STPG2: variants seen among roughly 807,000 people sequenced by gnomAD.
STPG2 encodes the protein sperm tail PG-rich repeat containing 2, also known as sperm-tail PG-rich repeat-containing protein 2.
STPG2 carries 56 observed loss-of-function variants against 54.2 expected under a neutral mutation model. The observed-to-expected ratio is 1.03, with a 90% CI of 0.83 to 1.29. The LOEUF is 1.29. STPG2 is among the 50% of genes most tolerant of loss of function. STPG2 has a pLI of 0.00. For synonymous variants in STPG2, 200 were observed against 181.8 expected (o/e 1.10, Z -0.81); for missense variants, 596 against 544.9 (o/e 1.09, Z -0.93).
chr4:98,128,838 T>C (rs991364146), intron 2 of STPG2, among the ~76,000 whole-genome samples: 2 of 152,070 alleles, frequency 1.3e-5, no homozygotes, highest in Non-Finnish European at 2.9e-5. Flanking sequence ...CAAGTGATTC[T>C]CCCCTCGACC....
intron 10 of STPG2, among the ~76,000 whole-genome samples, chr4:97,594,189 T>C (rs540218477): frequency 6.6e-6 from 1 of 152,208 alleles, no homozygotes; most frequent in Non-Finnish European, 1.5e-5. Flanking sequence ...AGAATAAGGA[T>C]AGGAATGAAC....
chr4:97,991,949 A>T (rs1735032883), intron 5 of STPG2, among the ~76,000 whole-genome samples: 1 of 151,350 alleles, frequency 6.6e-6, no homozygotes, highest in Admixed American at 6.6e-5. Context: ...TTTTTATGAA[A>T]TTGTTTTCTT....
rs1015702089 is a variant in STPG2, at chr4:97,536,611, G to A, written c.462+176088C>T. Reference sequence around the variant, plus strand: ...TGCATACCAAGCAAGGAAGAGAATGGTCCCAAACTAGGTGGGTGTCAGATG... The same window carrying A: ...TGCATACCAAGCAAGGAAGAGAATGATCCCAAACTAGGTGGGTGTCAGATG... On this transcript the variant is annotated intron_variant, in intron 4 of 4. Transcript: ENST00000522676. 4.6e-5 allele frequency among the ~76,000 whole-genome samples: 7 copies of A among 152,260 alleles called. 1 individual carries two copies. Among genetic ancestry groups the A allele is most frequent in the Middle Eastern group, 3.4e-3 (1 of 294 alleles).
intron 9 of STPG2, among the ~76,000 whole-genome samples, chr4:97,828,331 G>A (rs1319432127): frequency 3.3e-5 from 5 of 152,148 alleles, no homozygotes; most frequent in African/African-American, 1.2e-4. Flanking sequence ...GAGGGACTGT[G>A]CTGTGAGGAA....
At chr4:97,950,326 G>A (rs189089601) in intron 7 of STPG2, among the ~76,000 whole-genome samples, 33 of 151,752 alleles carry the variant, frequency 2.2e-4, no homozygotes, top group Admixed American at 2.0e-3. Flanking sequence ...CTCTGACTGG[G>A]TTAGCTTAAA....
intron 9 of STPG2, among the ~76,000 whole-genome samples, chr4:97,817,618 C>T (rs185667132): frequency 2.6e-5 from 4 of 151,862 alleles, no homozygotes; most frequent in South Asian, 4.1e-4. Context: ...CTTTAGACAT[C>T]GTGAAATGTG....
At chr4:98,058,004 T>C (rs887968045) in intron 5 of STPG2, among the ~76,000 whole-genome samples, 4 of 152,154 alleles carry the variant, frequency 2.6e-5, no homozygotes, top group African/African-American at 9.7e-5. Flanking sequence ...AAGCAAATGC[T>C]GAGGGAATTT....
At chr4:97,586,948 A>G (rs1733016925) in intron 10 of STPG2, among the ~76,000 whole-genome samples, 1 of 151,920 alleles carries the variant, frequency 6.6e-6, no homozygotes, top group African/African-American at 2.4e-5. Context: ...AGTTTTATAA[A>G]TCACATTTGA....
At chr4:97,625,621 C>G (rs1041171209) in intron 10 of STPG2, among the ~76,000 whole-genome samples, 3 of 152,138 alleles carry the variant, frequency 2.0e-5, no homozygotes, top group Non-Finnish European at 4.4e-5. Flanking sequence ...CCGCCTCTTC[C>G]TTTCTTATTG....
At chr4:97,544,720 G>A (rs1731796998) in intron 4 of STPG2, among the ~76,000 whole-genome samples, 1 of 152,016 alleles carries the variant, frequency 6.6e-6, no homozygotes, top group Non-Finnish European at 1.5e-5. Context: ...GTGACATAGT[G>A]CCTAATCTCT....
chr4:98,127,119 T>C (rs1380805398), intron 3 of STPG2, among the ~76,000 whole-genome samples: 6 of 151,966 alleles, frequency 3.9e-5, no homozygotes. Flanking sequence ...TATATGAATA[T>C]GTAATGAAGG....
chr4:97,759,434 T>G (rs754637197), intron 9 of STPG2, among the ~76,000 whole-genome samples: 1 of 152,158 alleles, frequency 6.6e-6, no homozygotes, highest in Non-Finnish European at 1.5e-5. Flanking sequence ...AATTCTATGT[T>G]TTAACCAATT....
intron 10 of STPG2, among the ~76,000 whole-genome samples, chr4:97,614,294 A>G (rs1451806370): frequency 9.5e-6 from 1 of 104,904 alleles, no homozygotes; most frequent in Admixed American, 1.1e-4. Context: ...TGCCCTCTAA[A>G]GAGATTTTTT....
At chr4:97,928,012 C>G (rs1292265865) in intron 8 of STPG2, among the ~76,000 whole-genome samples, 1 of 152,002 alleles carries the variant, frequency 6.6e-6, no homozygotes, top group Non-Finnish European at 1.5e-5. Context: ...TACTCAAAAC[C>G]AAAACATTCA....
chr4:98,018,710 C>A (rs1736060769), intron 5 of STPG2, among the ~76,000 whole-genome samples: 2 of 151,550 alleles, frequency 1.3e-5, no homozygotes, highest in African/African-American at 4.9e-5. Context: ...GACTGCCATT[C>A]TAAATGGTGT....
At chr4:97,652,984 A>T (rs916692520) in intron 10 of STPG2, among the ~76,000 whole-genome samples, 11 of 151,952 alleles carry the variant, frequency 7.2e-5, no homozygotes, top group African/African-American at 2.4e-4. Flanking sequence ...GGAGATAGAA[A>T]TTTTTTCAAC....
chr4:97,803,550 C>T (rs548892), intron 9 of STPG2, among the ~76,000 whole-genome samples: 84,805 of 151,864 alleles, frequency 0.56, 24,005 homozygotes, highest in East Asian at 0.74. Context: ...CCCAAGTTCT[C>T]CTGGGGTGAG....
At chr4:97,481,878 T>C (rs1270196151) in intron 4 of STPG2, among the ~76,000 whole-genome samples, 1 of 151,632 alleles carries the variant, frequency 6.6e-6, no homozygotes, top group Non-Finnish European at 1.5e-5. Context: ...CAGTGCTATG[T>C]TGAATAGGAG....
intron 5 of STPG2, chr4:98,026,182 A>T: frequency 1.6e-6 from 2 of 1,273,300 alleles, no homozygotes; most frequent in South Asian, 2.4e-5. Context: ...ATCGTCCCAA[A>T]ATGTCCCTTG....
Sources: gnomAD v4.1 joint callset for allele counts (sites outside exome capture counted in the v4.1 genomes callset) on GRCh38, gnomAD v4.1.1 for gene constraint, MANE v1.5 for transcripts, NCBI Gene and HGNC (gene_info 2026-07-23, HGNC 2026-07-21) for gene names.